The following TNIK variants were observed in gnomAD, a reference collection of about 807,000 sequenced individuals.
TNIK encodes the protein TRAF2 and NCK-interacting protein kinase.
In TNIK, 49 loss-of-function variants were observed where a neutral mutation model predicts 191.3. That is an observed-to-expected ratio of 0.26 (90% CI 0.20 to 0.32). The LOEUF (loss-of-function observed/expected upper bound fraction) is 0.32. Among genes scored for constraint, TNIK ranks in the 10% least tolerant of loss-of-function variants. TNIK has a pLI of 1.00. For synonymous variants in TNIK, 594 were observed against 600.9 expected, an observed-to-expected ratio of 0.99 and a Z score of 0.17; for missense variants, 1,155 against 1,702.3, an observed-to-expected ratio of 0.68 and a Z score of 5.66.
At chr3:171,139,211 C>CAA (rs1344259318) in intron 14 of TNIK, among the ~76,000 whole-genome samples, 1 of 152,000 alleles carries the variant, frequency 6.6e-6, no homozygotes, top group Non-Finnish European at 1.5e-5. Context: ...TCAAGTTGTA[C>CAA]AAATAAATGG....
chr3:171,189,813 A>G (rs1266611092), intron 6 of TNIK, among the ~76,000 whole-genome samples: 1 of 152,210 alleles, frequency 6.6e-6, no homozygotes, highest in Non-Finnish European at 1.5e-5. Context: ...GTTGATACAT[A>G]TATAACTGCT....
At chr3:171,217,527 C>T (rs1457451041) in intron 3 of TNIK, among the ~76,000 whole-genome samples, 2 of 151,950 alleles carry the variant, frequency 1.3e-5, no homozygotes, top group African/African-American at 4.8e-5. Context: ...GCACATGTAC[C>T]TCCTGAGTCT....
rs1047064540 is a variant in TNIK at position 171,322,642 on chromosome 3, A to G, written c.123+46978T>C. Among the ~76,000 whole-genome samples, 5 of 152,164 alleles carry G rather than the reference A, an allele frequency of 3.3e-5. No individual in the cohort carries two copies. In the South Asian group the frequency reaches 1.0e-3, roughly 31 times the overall value. ...TGGTCTACTTCTACCATATACGCAC[A>G]TATGCAGGTAGGCAAACATACAGAA... On this transcript the variant is annotated intron_variant, in intron 2 of 32. Transcript: ENST00000436636.
intron 12 of TNIK, 129 bp from the exon 13 acceptor site, chr3:171,140,638 T>C (rs2108635087): frequency 1.3e-6 from 1 of 798,486 alleles, no homozygotes; most frequent in Non-Finnish European, 2.1e-6. Flanking sequence ...GCTCCAAGGT[T>C]CTTCTCTCCG....
chr3:171,313,320 T>C (rs1314547078), intron 2 of TNIK, among the ~76,000 whole-genome samples: 2 of 151,942 alleles, frequency 1.3e-5, no homozygotes, highest in Non-Finnish European at 2.9e-5. Flanking sequence ...GAACAGTGGA[T>C]CTGGAAGGGA....
At chr3:171,323,911 TGA>T (rs1287601863) in intron 2 of TNIK, among the ~76,000 whole-genome samples, 4 of 152,132 alleles carry the variant, frequency 2.6e-5, no homozygotes, top group Non-Finnish European at 5.9e-5. Context: ...ATCAATAGAT[TGA>T]GAGTTTAAAT....
chr3:171,436,470 G>T (rs760625402), intron 1 of TNIK, among the ~76,000 whole-genome samples: 1 of 152,228 alleles, frequency 6.6e-6, no homozygotes, highest in South Asian at 2.1e-4. Context: ...TACTGTTATT[G>T]TTACCTCCAT....
At chr3:171,083,362 C>T (rs1720928462) in intron 26 of TNIK, among the ~76,000 whole-genome samples, 1 of 152,164 alleles carries the variant, frequency 6.6e-6, no homozygotes, top group Non-Finnish European at 1.5e-5. Flanking sequence ...TCCTAGGCTT[C>T]ACACTCTTCC....
chr3:171,151,839 C>CT (rs964356421), intron 12 of TNIK, among the ~76,000 whole-genome samples: 1 of 152,214 alleles, frequency 6.6e-6, no homozygotes, highest in East Asian at 1.9e-4. Flanking sequence ...CCTCACCACT[C>CT]TTTTGTGGGT....
In TNIK at chr3:171,140,297, T is replaced by C. The variant is rs935181525; in HGVS notation, c.1332+102A>G. ...TTGCTTGAGGAAGAGTAAAAACCCATGTAAACTGAGCATTCCTCAGAAAAG... is the reference window on the plus strand; with the variant it reads ...TTGCTTGAGGAAGAGTAAAAACCCACGTAAACTGAGCATTCCTCAGAAAAG... On this transcript the variant is annotated intron_variant, in intron 13 of 32. Coordinates refer to ENST00000436636, the MANE Select transcript of TNIK (RefSeq NM_015028.4). 1.3e-5 allele frequency: 13 copies of C among 967,432 alleles called. No individual in the cohort carries two copies. In the South Asian group the frequency reaches 2.0e-4, roughly 15 times the overall value. 59.9% of individuals were successfully genotyped at this position (967,432 alleles called of 1,614,324 possible).
chr3:171,287,499 T>A (rs952701662), intron 2 of TNIK, among the ~76,000 whole-genome samples: 2 of 152,224 alleles, frequency 1.3e-5, no homozygotes, highest in Non-Finnish European at 2.9e-5. Context: ...GAATGTTGGC[T>A]TTAACTTGGA....
chr3:171,101,330 A>G lies in TNIK; in HGVS notation c.2591+119T>C. ...CTCCAACAAAAACCCAAGTCCCGAA[A>G]GTCAATTTATCTTGCCACAGACCCA... On this transcript the variant is annotated intron_variant, in intron 22 of 32. Coordinates refer to ENST00000436636, the MANE Select transcript of TNIK (RefSeq NM_015028.4). 4 of 1,177,502 alleles carry G rather than the reference A, an allele frequency of 3.4e-6. No homozygotes were observed. In the South Asian group the frequency reaches 7.0e-5, roughly 21 times the overall value. 72.9% of individuals were successfully genotyped at this position (1,177,502 alleles called of 1,614,324 possible).
At chr3:171,156,009 G>A (rs1733122723) in intron 12 of TNIK, among the ~76,000 whole-genome samples, 1 of 152,194 alleles carries the variant, frequency 6.6e-6, no homozygotes, top group South Asian at 2.1e-4. Flanking sequence ...GACAATTCGT[G>A]TAAAGTACTA....
At chr3:171,446,505 C>A (rs1302798194) in intron 1 of TNIK, among the ~76,000 whole-genome samples, 1 of 152,134 alleles carries the variant, frequency 6.6e-6, no homozygotes, top group East Asian at 1.9e-4. Context: ...AAGAAAATTG[C>A]CCTCTGCAAG....
At chr3:171,258,773 AAG>A (rs1375587931) in intron 2 of TNIK, among the ~76,000 whole-genome samples, 1 of 152,182 alleles carries the variant, frequency 6.6e-6, no homozygotes, top group African/African-American at 2.4e-5. Flanking sequence ...TTGACCCTCT[AAG>A]AAACTCTGGA....
intron 27 of TNIK, among the ~76,000 whole-genome samples, chr3:171,080,957 A>G (rs942902969): frequency 1.3e-5 from 2 of 152,100 alleles, no homozygotes; most frequent in African/African-American, 2.4e-5. Context: ...TTTTGCTCCT[A>G]TTTTCATTTT....
chr3:171,233,527 A>G (rs998472893), intron 2 of TNIK, among the ~76,000 whole-genome samples: 2 of 152,138 alleles, frequency 1.3e-5, no homozygotes, highest in Admixed American at 6.5e-5. Context: ...AGACTGAAGT[A>G]CCTGACAACT....
At chr3:171,400,294 G>A (rs2108572470) in intron 1 of TNIK, among the ~76,000 whole-genome samples, 1 of 152,260 alleles carries the variant, frequency 6.6e-6, no homozygotes, top group South Asian at 2.1e-4. Context: ...GCCAGGCACG[G>A]TAGGTCACAC....
At chr3:171,084,376 T>C (rs755113152) in intron 25 of TNIK, 51 bp from the exon 26 acceptor site, 25 of 1,572,492 alleles carry the variant, frequency 1.6e-5, no homozygotes, top group Non-Finnish European at 2.1e-5. Context: ...AGATAACTTA[T>C]GGAGATGGGG....
Sources: allele counts gnomAD v4.1 joint callset (sites outside exome capture counted in the v4.1 genomes callset), GRCh38; gene constraint gnomAD v4.1.1; transcripts MANE v1.5; gene names NCBI Gene and HGNC (gene_info 2026-07-23, HGNC 2026-07-21).